Variants in MAF observed in about 807,000 individuals in gnomAD.
MAF encodes transcription factor Maf.
A neutral mutation model predicts 22.0 loss-of-function variants in MAF; 10 were observed. The observed-to-expected ratio is 0.45, with a 90% confidence interval of 0.28 to 0.77. The LOEUF is 0.77. Among genes scored for constraint, MAF ranks in the 30% least tolerant of loss-of-function variants. MAF has a pLI of 0.12. For missense variants in MAF, 544 were observed against 548.4 expected (o/e 0.99, Z 0.08); for synonymous variants, 337 against 255.8 (o/e 1.32, Z -3.03).
At chr16:79,210,609 C>T in the MAF span, among the ~76,000 whole-genome samples, 1 of 152,190 alleles carries the variant, frequency 6.6e-6, no homozygotes, top group Non-Finnish European at 1.5e-5. Context: ...GCAGCTAGGG[C>T]TCTGAAACAC....
chr16:79,384,927 A>T, the MAF span, among the ~76,000 whole-genome samples: 1 of 152,146 alleles, frequency 6.6e-6, no homozygotes, highest in Non-Finnish European at 1.5e-5. Flanking sequence ...ATGCACCAGG[A>T]CAGAGGAAAT....
At chr16:79,325,854 G>T in the MAF span, among the ~76,000 whole-genome samples, 1 of 152,168 alleles carries the variant, frequency 6.6e-6, no homozygotes, top group African/African-American at 2.4e-5. Context: ...TACGTGAAAT[G>T]ATACAGACGG....
the MAF span, among the ~76,000 whole-genome samples, chr16:79,232,416 G>C: frequency 2.6e-5 from 4 of 152,034 alleles, no homozygotes; most frequent in Non-Finnish European, 5.9e-5. Flanking sequence ...ACCTGCAGCA[G>C]ATTCCAGAAT....
At chr16:79,519,050 GTAA>G in the MAF span, among the ~76,000 whole-genome samples, 1 of 152,170 alleles carries the variant, frequency 6.6e-6, no homozygotes, top group African/African-American at 2.4e-5. Context: ...ATGTCTTAGT[GTAA>G]TAATAATATT....
At chr16:79,261,254 G>T in the MAF span, among the ~76,000 whole-genome samples, 1 of 152,178 alleles carries the variant, frequency 6.6e-6, no homozygotes, top group Admixed American at 6.5e-5. Flanking sequence ...CCAGGTTCAA[G>T]AGATTCTCCC....
chr16:79,527,353 A>C, the MAF span, among the ~76,000 whole-genome samples: 2 of 152,238 alleles, frequency 1.3e-5, no homozygotes, highest in Non-Finnish European at 1.5e-5. Context: ...AAAAGAAAGC[A>C]ATCAACTCCC....
At chr16:79,391,872 A>AAGGAGGAGGAGGAGG in the MAF span, among the ~76,000 whole-genome samples, 1 of 136,878 alleles carries the variant, frequency 7.3e-6, no homozygotes, top group African/African-American at 2.8e-5. Flanking sequence ...GGAGGAGGAG[A>AAGGAGGAGGAGGAGG]AGGAGGAGGA....
the MAF span, among the ~76,000 whole-genome samples, chr16:79,272,897 G>A: frequency 1.3e-5 from 2 of 151,990 alleles, no homozygotes; most frequent in African/African-American, 4.8e-5. Flanking sequence ...TGACCCCCTT[G>A]CCAAAGCCTG....
chr16:79,508,423 G>A, the MAF span, among the ~76,000 whole-genome samples: 1 of 152,158 alleles, frequency 6.6e-6, no homozygotes, highest in Admixed American at 6.5e-5. Context: ...CCTCCTGGGT[G>A]TAGGTCACTC....
chr16:79,564,290 C>A, the MAF span, among the ~76,000 whole-genome samples: 1 of 152,288 alleles, frequency 6.6e-6, no homozygotes, highest in African/African-American at 2.4e-5. Context: ...TGCTGGAAGA[C>A]TTCTTTTTTG....
the MAF span, among the ~76,000 whole-genome samples, chr16:79,522,035 G>A: frequency 3.9e-5 from 6 of 152,180 alleles, no homozygotes; most frequent in Admixed American, 1.3e-4. Flanking sequence ...AGAAAGAGGT[G>A]TCAGCTCAGA....
chr16:79,294,855 C>T, the MAF span, among the ~76,000 whole-genome samples: 4 of 152,126 alleles, frequency 2.6e-5, no homozygotes, highest in East Asian at 5.8e-4. Flanking sequence ...GGCATCAACT[C>T]AGCTTAAAAG....
At chr16:79,223,649 T>G in the MAF span, among the ~76,000 whole-genome samples, 1 of 152,248 alleles carries the variant, frequency 6.6e-6, no homozygotes, top group East Asian at 1.9e-4. Context: ...AAGAATTAAA[T>G]AGACTCAATA....
the MAF span, among the ~76,000 whole-genome samples, chr16:79,237,376 G>A: frequency 1.3e-5 from 2 of 152,054 alleles, no homozygotes; most frequent in South Asian, 2.1e-4. Flanking sequence ...GGAGGGAAGG[G>A]TTTTGGAACA....
intron 1 of MAF, among the ~76,000 whole-genome samples, chr16:79,586,529 T>C (rs900238405): frequency 9.9e-5 from 15 of 152,218 alleles, no homozygotes; most frequent in Admixed American, 9.8e-4. Flanking sequence ...TTCTGCCCTG[T>C]TTAAATTAGT....
At chr16:79,338,922 G>A in the MAF span, among the ~76,000 whole-genome samples, 1 of 152,212 alleles carries the variant, frequency 6.6e-6, no homozygotes, top group African/African-American at 2.4e-5. Flanking sequence ...ATGACATGGA[G>A]TTATGGCTCA....
chr16:79,539,513 C>T, the MAF span, among the ~76,000 whole-genome samples: 1 of 151,746 alleles, frequency 6.6e-6, no homozygotes. Flanking sequence ...CAAAACAAAA[C>T]AAAACAAAAG....
chr16:79,249,512 C>G, the MAF span, among the ~76,000 whole-genome samples: 1 of 152,042 alleles, frequency 6.6e-6, no homozygotes, highest in Non-Finnish European at 1.5e-5. Flanking sequence ...GGAACAGGCC[C>G]TCACCAGACA....
intron 1 of MAF, chr16:79,598,206 G>C (rs978503384): frequency 9.5e-7 from 1 of 1,057,192 alleles, no homozygotes; most frequent in African/African-American, 1.7e-5. Flanking sequence ...GGTTGAGAAG[G>C]AGTGAGGGTG....
Sources: gnomAD v4.1 joint callset for allele counts (sites outside exome capture counted in the v4.1 genomes callset) on GRCh38, gnomAD v4.1.1 for gene constraint, MANE v1.5 for transcripts, NCBI Gene and HGNC (gene_info 2026-07-23, HGNC 2026-07-21) for gene names.